Variants in AIM2 observed in about 807,000 individuals in gnomAD.
AIM2 encodes interferon-inducible protein AIM2.
In AIM2, 30 loss-of-function variants were observed where a neutral mutation model predicts 27.7. That is an observed-to-expected ratio of 1.08 (90% confidence interval 0.81 to 1.47). The LOEUF is 1.47. Ranked by LOEUF, AIM2 falls within the 40% of genes most tolerant of loss-of-function variation. The pLI is 0.00. For synonymous variants in AIM2, 141 were observed against 145.3 expected (o/e 0.97, Z 0.21); for missense variants, 358 against 411.3 (o/e 0.87, Z 1.12).
chr1:159,056,568 A>C, the AIM2 span, among the ~76,000 whole-genome samples: 2 of 151,900 alleles, frequency 1.3e-5, no homozygotes, highest in East Asian at 3.9e-4. Context: ...CAGTTGCATG[A>C]CTGGAGTTTG....
At chr1:159,124,986 C>T (rs894509492) in intron 1 of AIM2, among the ~76,000 whole-genome samples, 1 of 152,164 alleles carries the variant, frequency 6.6e-6, no homozygotes, top group Non-Finnish European at 1.5e-5. Context: ...TTTTGACTCC[C>T]CTGTTAGCAG....
intron 1 of AIM2, among the ~76,000 whole-genome samples, chr1:159,131,174 T>C (rs2102050000): frequency 6.6e-6 from 1 of 152,334 alleles, no homozygotes; most frequent in South Asian, 2.1e-4. Flanking sequence ...GAACCATGCC[T>C]GTCTTATTCC....
chr1:159,068,620 C>A lies in AIM2; in HGVS notation c.344G>T (p.Arg115Ile), dbSNP rs775658618. The A allele has an allele frequency of 6.2e-7, 1 of 1,613,840 alleles. No homozygotes were observed. The highest frequency in any genetic ancestry group is 2.2e-5 in the East Asian group (1 of 44,876). Residue 115 changes from arginine to isoleucine, a missense_variant, in exon 3 of 6, where the codon AGA becomes ATA. By Grantham distance (97) the Arg-to-Ile change is moderately conservative (BLOSUM62 -3). Transcript: ENST00000368130. The stretch of plus-strand genomic sequence containing the variant: ...AGCACGTTGCTTTGCGACATCATTT[C>A]TGATGGCTGCAGATGCAGCAGGACT... ...EMSPAASAAI[R>I]NDVAKQRAAP...
intron 1 of AIM2, among the ~76,000 whole-genome samples, chr1:159,118,999 G>T (rs565770742): frequency 1.2e-4 from 18 of 152,190 alleles, no homozygotes; most frequent in Admixed American, 2.0e-4. Context: ...GCTCTGGTGT[G>T]CTTTGTTCCA....
At chr1:159,101,558 T>C (rs1277939485) in intron 1 of AIM2, among the ~76,000 whole-genome samples, 1 of 152,152 alleles carries the variant, frequency 6.6e-6, no homozygotes, top group African/African-American at 2.4e-5. Flanking sequence ...TTTGGAAGGC[T>C]CAGAAGAAGA....
chr1:159,133,987 C>A (rs533499923), intron 1 of AIM2, among the ~76,000 whole-genome samples: 69 of 152,268 alleles, frequency 4.5e-4, no homozygotes, highest in Middle Eastern at 6.8e-3. Context: ...ATCTCAAAAG[C>A]ACCTCAAAAT....
intron 1 of AIM2, among the ~76,000 whole-genome samples, chr1:159,093,532 A>G (rs1187854799): frequency 6.6e-6 from 1 of 152,116 alleles, no homozygotes; most frequent in Non-Finnish European, 1.5e-5. Flanking sequence ...TGTTAAAGCC[A>G]AAAAACGGGG....
chr1:159,102,950 T>C (rs935201627), intron 1 of AIM2, among the ~76,000 whole-genome samples: 2 of 152,188 alleles, frequency 1.3e-5, no homozygotes, highest in African/African-American at 2.4e-5. Context: ...AAGGGCATGA[T>C]TGTATTTTCA....
At chr1:159,068,963 A>G (rs564949415) in intron 2 of AIM2, among the ~76,000 whole-genome samples, 1 of 152,162 alleles carries the variant, frequency 6.6e-6, no homozygotes, top group African/African-American at 2.4e-5. Context: ...ACATAGGGAG[A>G]CCCTATCTTT....
the AIM2 span, among the ~76,000 whole-genome samples, chr1:159,055,760 A>G: frequency 2.6e-5 from 4 of 152,160 alleles, no homozygotes; most frequent in Admixed American, 2.6e-4. Flanking sequence ...AATTTAGCTA[A>G]ATTTATTGAT....
chr1:159,069,887 G>A (rs186127421), intron 2 of AIM2, among the ~76,000 whole-genome samples: 10 of 152,140 alleles, frequency 6.6e-5, no homozygotes, highest in African/African-American at 2.4e-4. Context: ...TTTTCCTTCT[G>A]TCGAGGGGAC....
intron 1 of AIM2, among the ~76,000 whole-genome samples, chr1:159,095,798 G>A (rs1657169320): frequency 6.6e-6 from 1 of 152,156 alleles, no homozygotes; most frequent in Admixed American, 6.5e-5. Context: ...AGTTCCCTAA[G>A]AAGGTAAGAC....
intron 1 of AIM2, among the ~76,000 whole-genome samples, chr1:159,087,777 T>C (rs1261481724): frequency 2.6e-5 from 4 of 152,058 alleles, no homozygotes; most frequent in African/African-American, 9.7e-5. Flanking sequence ...TTCACCACGT[T>C]GGCCAGGCTA....
chr1:159,063,339 G>C (rs1557889757), intron 5 of AIM2, 147 bp downstream of exon 5: 13 of 674,866 alleles, frequency 1.9e-5, no homozygotes, highest in Non-Finnish European at 1.2e-5. Flanking sequence ...CTAAGAGGGA[G>C]GTTCCTCAGT....
At chr1:159,127,595 C>T (rs183526041) in intron 1 of AIM2, among the ~76,000 whole-genome samples, 7 of 152,334 alleles carry the variant, frequency 4.6e-5, no homozygotes, top group East Asian at 1.9e-4. Flanking sequence ...TAATCTATGA[C>T]GCAGCAAAAC....
At chr1:159,110,222 G>A (rs183752857) in intron 1 of AIM2, among the ~76,000 whole-genome samples, 6 of 152,178 alleles carry the variant, frequency 3.9e-5, no homozygotes, top group Admixed American at 2.0e-4. Flanking sequence ...AATACTACTC[G>A]GCCATAAAAA....
intron 1 of AIM2, among the ~76,000 whole-genome samples, chr1:159,093,781 G>T (rs1657105932): frequency 6.6e-6 from 1 of 151,416 alleles, no homozygotes; most frequent in Non-Finnish European, 1.5e-5. Flanking sequence ...CTGTCACCAG[G>T]CTGGAGTGCA....
chr1:159,068,426 G>A, intron 3 of AIM2, 142 bp downstream of exon 3: 1 of 1,139,264 alleles, frequency 8.8e-7, no homozygotes, highest in African/African-American at 1.6e-5. Flanking sequence ...TCCTGTTTTT[G>A]TGACTCAGAA....
chr1:159,139,037 T>C (rs561911703), intron 1 of AIM2, among the ~76,000 whole-genome samples: 34 of 152,364 alleles, frequency 2.2e-4, no homozygotes, highest in Non-Finnish European at 4.4e-4. Context: ...GAAGAATTTT[T>C]ACTCATGTGG....
Sources: allele counts gnomAD v4.1 joint callset (sites outside exome capture counted in the v4.1 genomes callset), GRCh38; gene constraint gnomAD v4.1.1; transcripts MANE v1.5; gene names NCBI Gene and HGNC (gene_info 2026-07-23, HGNC 2026-07-21).